Variants in FSTL5 observed in about 807,000 individuals in gnomAD.
FSTL5 encodes the protein follistatin like 5.
A neutral mutation model predicts 89.1 loss-of-function variants in FSTL5; 62 were observed. The ratio of observed to expected loss-of-function variants is 0.70; its 90% CI spans 0.57 to 0.86. The LOEUF (loss-of-function observed/expected upper bound fraction) is 0.86, where lower values mean the gene tolerates loss of function less well. FSTL5 is among the 40% of genes least tolerant of loss of function. The probability of loss-of-function intolerance (pLI) is 0.00; values close to 1 mark genes in which losing one functional copy is unlikely to be tolerated. For missense variants in FSTL5, 1,057 were observed against 1,001.6 expected (o/e 1.06, Z -0.75); for synonymous variants, 383 against 346.2 (o/e 1.11, Z -1.18).
chr4:162,014,440 G>A (rs1736857951), intron 3 of FSTL5, among the ~76,000 whole-genome samples: 1 of 152,142 alleles, frequency 6.6e-6, no homozygotes, highest in Non-Finnish European at 1.5e-5. Context: ...GGGAAATGGT[G>A]AAAGAACTTA....
At chr4:161,734,542 T>G (rs968989492) in intron 6 of FSTL5, among the ~76,000 whole-genome samples, 2 of 152,190 alleles carry the variant, frequency 1.3e-5, no homozygotes, top group Non-Finnish European at 2.9e-5. Context: ...TGGTTCAAAA[T>G]TTTTGCAATC....
chr4:161,566,880 G>A (rs900352188), intron 8 of FSTL5, among the ~76,000 whole-genome samples: 6 of 152,032 alleles, frequency 3.9e-5, no homozygotes, highest in African/African-American at 9.7e-5. Flanking sequence ...TTTTCCCAGT[G>A]CACCAGAGGC....
chr4:162,064,950 T>G (rs1412447661), intron 2 of FSTL5, among the ~76,000 whole-genome samples: 2 of 151,956 alleles, frequency 1.3e-5, no homozygotes, highest in Non-Finnish European at 2.9e-5. Context: ...AATAAGCCCA[T>G]GCATATATTG....
intron 2 of FSTL5, among the ~76,000 whole-genome samples, chr4:162,039,545 T>C (rs1207261730): frequency 6.6e-6 from 1 of 151,956 alleles, no homozygotes; most frequent in East Asian, 1.9e-4. Flanking sequence ...TTTCCTTTAG[T>C]TGAATAGGTG....
At chr4:161,463,816 C>T (rs896004880) in intron 13 of FSTL5, among the ~76,000 whole-genome samples, 2 of 152,114 alleles carry the variant, frequency 1.3e-5, no homozygotes, top group Non-Finnish European at 2.9e-5. Flanking sequence ...CCTTGACTGC[C>T]GTCTTCCTCC....
At chr4:161,723,543 G>T (rs1177469970) in intron 6 of FSTL5, among the ~76,000 whole-genome samples, 26 of 152,140 alleles carry the variant, frequency 1.7e-4, no homozygotes, top group Admixed American at 1.7e-3. Context: ...ATCTCTTTAT[G>T]AAAGGTACAT....
chr4:161,415,724 AGATATATATATGTAT>A (rs1443888575), intron 15 of FSTL5, among the ~76,000 whole-genome samples: 1 of 147,786 alleles, frequency 6.8e-6, no homozygotes, highest in African/African-American at 2.5e-5. Context: ...TATATATGGG[AGATATATATATGTAT>A]GATATATATA....
intron 6 of FSTL5, among the ~76,000 whole-genome samples, chr4:161,659,169 T>G (rs1035638289): frequency 6.6e-6 from 1 of 152,156 alleles, no homozygotes; most frequent in African/African-American, 2.4e-5. Flanking sequence ...ACAGAAAAAC[T>G]TACTTTTTCA....
At chr4:161,787,735 G>A (rs182658513) in intron 4 of FSTL5, among the ~76,000 whole-genome samples, 1 of 152,228 alleles carries the variant, frequency 6.6e-6, no homozygotes, top group East Asian at 1.9e-4. Context: ...TACATACATA[G>A]AACAAAATCT....
intron 2 of FSTL5, among the ~76,000 whole-genome samples, chr4:162,066,396 CTT>C (rs538954980): frequency 5.0e-5 from 4 of 79,914 alleles, no homozygotes; most frequent in African/African-American, 1.9e-4. Flanking sequence ...CTTCATTTTC[CTT>C]TTTTTTTTCA....
intron 15 of FSTL5, among the ~76,000 whole-genome samples, chr4:161,446,038 G>A (rs1457964994): frequency 1.3e-5 from 2 of 151,880 alleles, no homozygotes; most frequent in East Asian, 3.9e-4. Flanking sequence ...TATTGTACAT[G>A]GATAGCTACA....
rs1169964682 is a variant in FSTL5 at position 162,031,382 on chromosome 4, G to A, written c.160+2243C>T. On this transcript the variant is annotated intron_variant, in intron 3 of 15. Transcript: ENST00000306100. ...GACATAGCTCACATTTCAATAATTA[G>A]TAATCAATGAATATAAAATATTTGA... Among the ~76,000 whole-genome samples, 4 of 152,118 alleles carry A rather than the reference G, an allele frequency of 2.6e-5. No homozygotes were observed. In the East Asian group the frequency reaches 7.7e-4, roughly 29 times the overall value.
At chr4:161,872,135 T>TGTTTG (rs199727027) in intron 4 of FSTL5, among the ~76,000 whole-genome samples, 43,820 of 97,968 alleles carry the variant, frequency 0.45, 8,944 homozygotes, top group East Asian at 0.57. Flanking sequence ...TTTGTTTTTT[T>TGTTTG]TTTTGGTTTT....
chr4:161,735,229 G>C (rs569599148), intron 6 of FSTL5, among the ~76,000 whole-genome samples: 1 of 152,164 alleles, frequency 6.6e-6, no homozygotes, highest in South Asian at 2.1e-4. Context: ...TGCAGATGAA[G>C]AGATGCATAG....
At chr4:161,933,905 C>T (rs1372068152) in intron 3 of FSTL5, among the ~76,000 whole-genome samples, 6 of 152,088 alleles carry the variant, frequency 3.9e-5, no homozygotes, top group Middle Eastern at 3.4e-3. Flanking sequence ...ACTTTTTCTA[C>T]GTAGTTAGCT....
chr4:162,110,167 C>T (rs550889964), intron 2 of FSTL5, among the ~76,000 whole-genome samples: 1 of 151,922 alleles, frequency 6.6e-6, no homozygotes. Context: ...TGTTGACTAT[C>T]GAATCTATCC....
At chr4:161,659,839 G>A (rs1186643193) in intron 6 of FSTL5, among the ~76,000 whole-genome samples, 1 of 152,026 alleles carries the variant, frequency 6.6e-6, no homozygotes, top group Admixed American at 6.6e-5. Flanking sequence ...ATAATGACTT[G>A]TTTCATTTTA....
At chr4:161,418,605 T>C (rs573698966) in intron 15 of FSTL5, among the ~76,000 whole-genome samples, 3 of 152,336 alleles carry the variant, frequency 2.0e-5, no homozygotes, top group Admixed American at 1.3e-4. Context: ...ATAGCTCACA[T>C]TTAATACAAA....
chr4:162,056,054 TA>T (rs1287483024), intron 2 of FSTL5, among the ~76,000 whole-genome samples: 1 of 151,794 alleles, frequency 6.6e-6, no homozygotes, highest in Non-Finnish European at 1.5e-5. Context: ...AAACAAATAC[TA>T]AAAATGAAAC....
Sources: gnomAD v4.1 joint callset for allele counts (sites outside exome capture counted in the v4.1 genomes callset) on GRCh38, gnomAD v4.1.1 for gene constraint, MANE v1.5 for transcripts, NCBI Gene and HGNC (gene_info 2026-07-23, HGNC 2026-07-21) for gene names.